The following TUSC3 variants were observed in gnomAD, a reference collection of about 807,000 sequenced individuals.
TUSC3 encodes tumor suppressor candidate 3, also known as dolichyl-diphosphooligosaccharide--protein glycosyltransferase subunit TUSC3.
In TUSC3, 45 loss-of-function variants were observed where a neutral mutation model predicts 44.8. That is an observed-to-expected ratio of 1.00 (90% CI 0.79 to 1.29). TUSC3 has a LOEUF of 1.29. Among genes scored for constraint, TUSC3 ranks in the 50% most tolerant of loss-of-function variants. The pLI is 0.00. For synonymous variants in TUSC3, 212 were observed against 152.9 expected (o/e 1.39, Z -2.85); for missense variants, 519 against 437.9 (o/e 1.19, Z -1.65).
intron 2 of TUSC3, among the ~76,000 whole-genome samples, chr8:15,523,639 CATATATATATATAT>C (rs151223991): frequency 0.1 from 6,272 of 63,032 alleles, 342 homozygotes; most frequent in Non-Finnish European, 0.12. Context: ...CCTTTAAAAA[CATATATATATATAT>C]ATATATATAT....
At chr8:15,640,143 T>A (rs1486368732) in intron 2 of TUSC3, among the ~76,000 whole-genome samples, 1 of 152,188 alleles carries the variant, frequency 6.6e-6, no homozygotes, top group Non-Finnish European at 1.5e-5. Flanking sequence ...AACACCTGCT[T>A]TTTTTGTGTA....
chr8:15,701,935 G>T (rs969614773), intron 6 of TUSC3, among the ~76,000 whole-genome samples: 4 of 152,160 alleles, frequency 2.6e-5, no homozygotes, highest in African/African-American at 9.7e-5. Context: ...CCTTTGCCAG[G>T]CAAAGATTTC....
chr8:15,601,746 A>T (rs1271245443), intron 1 of TUSC3, among the ~76,000 whole-genome samples: 1 of 151,692 alleles, frequency 6.6e-6, no homozygotes, highest in African/African-American at 2.4e-5. Context: ...TATGTATAGT[A>T]ACAATGGTTC....
chr8:15,553,778 A>C (rs1802137192), intron 1 of TUSC3, among the ~76,000 whole-genome samples: 3 of 151,730 alleles, frequency 2.0e-5, no homozygotes, highest in Non-Finnish European at 4.4e-5. Flanking sequence ...GCTGGAGAAG[A>C]AGCTGAAATG....
chr8:15,693,967 T>A (rs1247027322), intron 6 of TUSC3, among the ~76,000 whole-genome samples: 1 of 151,896 alleles, frequency 6.6e-6, no homozygotes, highest in African/African-American at 2.4e-5. Flanking sequence ...ATTCTCTGAG[T>A]TTTTCAGCTC....
chr8:15,666,699 T>A (rs1807677036), intron 5 of TUSC3, among the ~76,000 whole-genome samples: 1 of 151,406 alleles, frequency 6.6e-6, no homozygotes, highest in Admixed American at 6.6e-5. Flanking sequence ...TTTTTCTCTT[T>A]AAAAATGAGA....
intron 1 of TUSC3, among the ~76,000 whole-genome samples, chr8:15,470,157 C>T (rs1800468711): frequency 6.6e-6 from 1 of 151,382 alleles, no homozygotes; most frequent in South Asian, 2.1e-4. Flanking sequence ...TGCCTGTAGT[C>T]CCAGTTACTT....
At chr8:15,449,215 T>TATAC (rs1466927394) in intron 1 of TUSC3, among the ~76,000 whole-genome samples, 1 of 152,138 alleles carries the variant, frequency 6.6e-6, no homozygotes, top group African/African-American at 2.4e-5. Context: ...AGCGGCCAAA[T>TATAC]ATACATATTC....
chr8:15,511,553 A>C (rs1801135866), intron 2 of TUSC3, among the ~76,000 whole-genome samples: 1 of 152,182 alleles, frequency 6.6e-6, no homozygotes, highest in Non-Finnish European at 1.5e-5. Flanking sequence ...AAAATACTAA[A>C]TACAGATAAA....
chr8:15,526,040 C>CT (rs370748759), intron 2 of TUSC3, among the ~76,000 whole-genome samples: 3,727 of 148,140 alleles, frequency 0.025, 74 homozygotes, highest in East Asian at 0.085. Context: ...GGAGATTCAT[C>CT]TTTTTTTTTT....
chr8:15,582,745 T>G (rs1563302412), intron 1 of TUSC3, among the ~76,000 whole-genome samples: 1 of 152,210 alleles, frequency 6.6e-6, no homozygotes, highest in Non-Finnish European at 1.5e-5. Context: ...TTTTATCTAA[T>G]AGCTGCTGGA....
At chr8:15,566,693 C>T (rs1011434304) in intron 1 of TUSC3, among the ~76,000 whole-genome samples, 2 of 151,684 alleles carry the variant, frequency 1.3e-5, no homozygotes, top group Non-Finnish European at 2.9e-5. Flanking sequence ...AATCACAGCT[C>T]ACGACAGCCA....
intron 2 of TUSC3, among the ~76,000 whole-genome samples, chr8:15,627,954 C>T (rs1405610740): frequency 1.3e-5 from 2 of 152,164 alleles, no homozygotes; most frequent in African/African-American, 2.4e-5. Context: ...GGCAAAGGTG[C>T]CACTGGCCAC....
At chr8:15,532,314 A>G (rs11782208) in intron 2 of TUSC3, among the ~76,000 whole-genome samples, 7,527 of 152,218 alleles carry the variant, frequency 0.049, 257 homozygotes, top group African/African-American at 0.093. Flanking sequence ...CAAATTGTTT[A>G]AAAAAAGAAA....
chr8:15,479,142 C>A (rs73534267), intron 1 of TUSC3, among the ~76,000 whole-genome samples: 2 of 151,844 alleles, frequency 1.3e-5, no homozygotes, highest in African/African-American at 2.4e-5. Flanking sequence ...TGATTTTTTT[C>A]TTGTATATTT....
chr8:15,797,962 C>T, the TUSC3 span, among the ~76,000 whole-genome samples: 2 of 152,168 alleles, frequency 1.3e-5, no homozygotes, highest in African/African-American at 4.8e-5. Flanking sequence ...GCATCTCTTA[C>T]TATTCTTTCT....
chr8:15,447,314 T>G (rs1049245469), intron 1 of TUSC3, among the ~76,000 whole-genome samples: 2 of 152,148 alleles, frequency 1.3e-5, no homozygotes, highest in Non-Finnish European at 1.5e-5. Flanking sequence ...ACTCAATTAA[T>G]TTATATGCAT....
the TUSC3 span, among the ~76,000 whole-genome samples, chr8:15,800,821 C>T: frequency 0.067 from 10,210 of 152,122 alleles, 513 homozygotes; most frequent in African/African-American, 0.14. Context: ...CTTAACTTGC[C>T]ACAGTTTTCA....
intron 2 of TUSC3, among the ~76,000 whole-genome samples, chr8:15,527,008 G>A (rs976888359): frequency 6.6e-6 from 1 of 152,128 alleles, no homozygotes; most frequent in Non-Finnish European, 1.5e-5. Context: ...TGAATTCATA[G>A]CAAAGTACAT....
Sources: gnomAD v4.1 joint callset for allele counts (sites outside exome capture counted in the v4.1 genomes callset) on GRCh38, gnomAD v4.1.1 for gene constraint, MANE v1.5 for transcripts, NCBI Gene and HGNC (gene_info 2026-07-23, HGNC 2026-07-21) for gene names.